The following SLC9B1 variants were observed in gnomAD, a reference collection of about 807,000 sequenced individuals.
SLC9B1 encodes the protein sodium/hydrogen exchanger 9B1.
In SLC9B1, 32 loss-of-function variants were observed where a neutral mutation model predicts 51.7. The ratio of observed to expected loss-of-function variants is 0.62; its 90% CI spans 0.47 to 0.83. The LOEUF is 0.83. Ranked by LOEUF, SLC9B1 falls within the 40% of genes least tolerant of loss-of-function variation. SLC9B1 has a pLI of 0.00. For synonymous variants in SLC9B1, 145 were observed against 212.7 expected, an observed-to-expected ratio of 0.68 and a Z score of 2.77; for missense variants, 406 against 613.2, an observed-to-expected ratio of 0.66 and a Z score of 3.57.
chr4:102,918,179 A>C (rs1366472310), intron 7 of SLC9B1, among the ~76,000 whole-genome samples: 2 of 151,964 alleles, frequency 1.3e-5, no homozygotes, highest in East Asian at 3.8e-4. Flanking sequence ...TTAAGAAAAA[A>C]AATAAAGAAG....
chr4:102,999,356 G>A (rs574916632), intron 1 of SLC9B1, among the ~76,000 whole-genome samples: 3 of 152,216 alleles, frequency 2.0e-5, no homozygotes, highest in East Asian at 1.9e-4. Context: ...CATCATAGCC[G>A]AGAAGTAAAC....
chr4:102,987,240 T>G (rs1337021996), intron 3 of SLC9B1, among the ~76,000 whole-genome samples: 2 of 152,134 alleles, frequency 1.3e-5, no homozygotes, highest in East Asian at 3.8e-4. Flanking sequence ...GCAGGATGGT[T>G]AGAGGAGGCC....
chr4:102,973,210 G>A (rs1239912873), intron 3 of SLC9B1, among the ~76,000 whole-genome samples: 3 of 152,078 alleles, frequency 2.0e-5, no homozygotes, highest in Non-Finnish European at 2.9e-5. Context: ...ACCTGTAATA[G>A]TTAAAAACAT....
At chr4:102,937,656 G>A (rs1469832254) in intron 6 of SLC9B1, among the ~76,000 whole-genome samples, 5 of 144,718 alleles carry the variant, frequency 3.5e-5, no homozygotes, top group Non-Finnish European at 7.5e-5. Flanking sequence ...CCCAGGAGGT[G>A]GAGGTTGCAG....
intron 7 of SLC9B1, among the ~76,000 whole-genome samples, chr4:102,921,056 G>A (rs1735848523): frequency 6.6e-6 from 1 of 152,144 alleles, no homozygotes; most frequent in Non-Finnish European, 1.5e-5. Context: ...AGGAAATACA[G>A]AGAACACCAC....
intron 3 of SLC9B1, among the ~76,000 whole-genome samples, chr4:102,969,642 C>T (rs543034177): frequency 7.2e-4 from 109 of 152,252 alleles, no homozygotes; most frequent in African/African-American, 2.3e-3. Context: ...ATGACTTTGA[C>T]GAGTTGACAG....
chr4:102,912,725 T>TA (rs999991022), intron 7 of SLC9B1, among the ~76,000 whole-genome samples: 2 of 151,588 alleles, frequency 1.3e-5, no homozygotes, highest in East Asian at 1.9e-4. Flanking sequence ...TACAAGAAAA[T>TA]AAAAAACTAG....
intron 3 of SLC9B1, among the ~76,000 whole-genome samples, chr4:102,972,498 G>A (rs1309605458): frequency 2.0e-5 from 3 of 152,164 alleles, no homozygotes; most frequent in East Asian, 1.9e-4. Flanking sequence ...TGCTCGCCTC[G>A]GCCTCCCAAA....
intron 11 of SLC9B1, 26 bp downstream of exon 11, chr4:102,905,488 A>G (rs770557316): frequency 2.5e-6 from 4 of 1,590,298 alleles, no homozygotes; most frequent in Non-Finnish European, 1.7e-6. Flanking sequence ...TGAAAGCATT[A>G]AGCAACAGGC....
rs545276308 is a variant in SLC9B1, at chr4:103,010,022, A to G, written c.-2+9577T>C. On this transcript the variant is annotated intron_variant, in intron 1 of 11. Transcript: ENST00000296422. Reference sequence around the variant, plus strand: ...AATTCAAATTGACTGTCATTGTTAAAATTCCTAATAGTATTTAGGATTTGA... The same window carrying G: ...AATTCAAATTGACTGTCATTGTTAAGATTCCTAATAGTATTTAGGATTTGA... Among the ~76,000 whole-genome samples, 104 of 152,316 alleles carry G rather than the reference A, an allele frequency of 6.8e-4. No homozygotes were observed. The South Asian group carries it at 0.015, about 22-fold the overall frequency.
chr4:102,928,680 A>T (rs1479711221), intron 7 of SLC9B1, among the ~76,000 whole-genome samples: 3 of 152,172 alleles, frequency 2.0e-5, no homozygotes. Flanking sequence ...AAGGGAGTTT[A>T]TTAAGGAGAA....
intron 11 of SLC9B1, among the ~76,000 whole-genome samples, chr4:102,894,131 AAAT>A (rs1476739194): frequency 6.6e-6 from 1 of 152,238 alleles, no homozygotes; most frequent in African/African-American, 2.4e-5. Context: ...TTATATCAAT[AAAT>A]GCTGAGAGGG....
At chr4:103,007,318 T>C (rs1740838039) in intron 1 of SLC9B1, among the ~76,000 whole-genome samples, 1 of 152,142 alleles carries the variant, frequency 6.6e-6, no homozygotes, top group South Asian at 2.1e-4. Flanking sequence ...AGCATTTCTA[T>C]ACACCAACAA....
At chr4:103,017,381 C>T (rs1407228721) in intron 1 of SLC9B1, among the ~76,000 whole-genome samples, 5 of 152,224 alleles carry the variant, frequency 3.3e-5, no homozygotes, top group Admixed American at 3.3e-4. Flanking sequence ...CAACTCACTA[C>T]TGGTTTCTCT....
intron 2 of SLC9B1, among the ~76,000 whole-genome samples, chr4:102,990,520 G>T (rs940656905): frequency 6.6e-6 from 1 of 151,914 alleles, no homozygotes; most frequent in African/African-American, 2.4e-5. Context: ...TGAAAAAAAG[G>T]AATCTTTGGT....
At chr4:102,929,664 G>A (rs1354400192) in intron 7 of SLC9B1, among the ~76,000 whole-genome samples, 1 of 152,102 alleles carries the variant, frequency 6.6e-6, no homozygotes, top group Admixed American at 6.6e-5. Context: ...GGGATTACAG[G>A]CCTGTGCCAC....
intron 1 of SLC9B1, among the ~76,000 whole-genome samples, chr4:103,013,640 T>A (rs1233012721): frequency 6.6e-6 from 1 of 152,212 alleles, no homozygotes; most frequent in Non-Finnish European, 1.5e-5. Context: ...TACAAGCATC[T>A]TAAGTTAGTA....
intron 1 of SLC9B1, among the ~76,000 whole-genome samples, chr4:103,014,011 C>T (rs1578421636): frequency 6.6e-6 from 1 of 152,144 alleles, no homozygotes; most frequent in African/African-American, 2.4e-5. Context: ...TAAATGTAAG[C>T]TTGATTATGG....
chr4:102,972,656 CTT>C (rs1387156923), intron 3 of SLC9B1, among the ~76,000 whole-genome samples: 5 of 152,078 alleles, frequency 3.3e-5, no homozygotes, highest in Non-Finnish European at 7.3e-5. Flanking sequence ...CATGAGGAAA[CTT>C]TTTGAGATTA....
Sources: allele counts gnomAD v4.1 joint callset (sites outside exome capture counted in the v4.1 genomes callset), GRCh38; gene constraint gnomAD v4.1.1; transcripts MANE v1.5; gene names NCBI Gene and HGNC (gene_info 2026-07-23, HGNC 2026-07-21).